NEK6: variants seen among roughly 807,000 people sequenced by gnomAD.
The protein encoded by NEK6 is serine/threonine-protein kinase Nek6.
Under a neutral mutation model 43.5 loss-of-function variants are expected in NEK6, and 27 were observed. That is an observed-to-expected ratio of 0.62 (90% CI 0.46 to 0.86). The LOEUF (loss-of-function observed/expected upper bound fraction) is 0.86. Among genes scored for constraint, NEK6 ranks in the 40% least tolerant of loss-of-function variants. NEK6 has a pLI of 0.00. For missense variants in NEK6, 318 were observed against 414.4 expected, an observed-to-expected ratio of 0.77 and a Z score of 2.02; for synonymous variants, 167 against 164.1, an observed-to-expected ratio of 1.02 and a Z score of -0.14.
At chr9:124,325,886 G>C (rs1226542858) in intron 5 of NEK6, among the ~76,000 whole-genome samples, 1 of 152,222 alleles carries the variant, frequency 6.6e-6, no homozygotes. Context: ...TAACCACCAC[G>C]TGTGTCCTGG....
Position 124,350,819 on chromosome 9 carries a change from C to G in NEK6, c.832-18C>G. ...AGACTGCTTTCTTGAGAATAACACA[C>G]CATTCTCTCCCCTGCAGTTACGAGA... On this transcript the variant is annotated intron_variant, in intron 9 of 9. Transcript: ENST00000320246. 6.3e-7 allele frequency: 1 copy of G among 1,574,978 alleles called. No homozygotes were observed.
At chr9:124,278,107 A>G (rs938380972) in intron 1 of NEK6, among the ~76,000 whole-genome samples, 8 of 152,228 alleles carry the variant, frequency 5.3e-5, no homozygotes, top group African/African-American at 9.7e-5. Context: ...GTGTAAACAC[A>G]CAAATACTGA....
intron 5 of NEK6, 129 bp downstream of exon 5, chr9:124,321,698 G>GC (rs1324752639): frequency 4.7e-6 from 3 of 637,538 alleles, no homozygotes; most frequent in African/African-American, 1.8e-5. Flanking sequence ...GACCCTGGGC[G>GC]CCCCCCTGCA....
intron 7 of NEK6, among the ~76,000 whole-genome samples, chr9:124,329,764 A>G (rs1351416815): frequency 2.0e-5 from 3 of 152,260 alleles, no homozygotes; most frequent in Non-Finnish European, 4.4e-5. Context: ...TGTATCTCCA[A>G]GACCCAGGGG....
At chr9:124,333,349 A>C (rs900263881) in intron 7 of NEK6, among the ~76,000 whole-genome samples, 2 of 152,290 alleles carry the variant, frequency 1.3e-5, no homozygotes, top group East Asian at 3.9e-4. Context: ...CCCTAGCTGC[A>C]GTCCAGGACA....
intron 8 of NEK6, among the ~76,000 whole-genome samples, chr9:124,341,250 G>C (rs1422095901): frequency 6.6e-6 from 1 of 152,176 alleles, no homozygotes; most frequent in Non-Finnish European, 1.5e-5. Context: ...CACCATGTTA[G>C]CCAGGCTGGC....
At chr9:124,258,955 C>T (rs945836344) in intron 1 of NEK6, among the ~76,000 whole-genome samples, 1 of 152,274 alleles carries the variant, frequency 6.6e-6, no homozygotes, top group African/African-American at 2.4e-5. Flanking sequence ...TCTCTCCAGC[C>T]AGGCCTGGGG....
intron 1 of NEK6, among the ~76,000 whole-genome samples, chr9:124,290,080 C>A (rs1208613601): frequency 6.6e-6 from 1 of 152,248 alleles, no homozygotes; most frequent in Non-Finnish European, 1.5e-5. Flanking sequence ...GCTGTGATTA[C>A]GCGCCAGCCC....
In NEK6 at chr9:124,324,510, G is replaced by A. The variant is rs1165128957; in HGVS notation, c.406-1820G>A. 6.6e-6 allele frequency among the ~76,000 whole-genome samples: 1 copy of A among 152,178 alleles called. No individual in the cohort carries two copies. Among genetic ancestry groups the A allele is most frequent in the Non-Finnish European group, 1.5e-5 (1 of 68,024 alleles). On this transcript the variant is annotated intron_variant, in intron 5 of 9. Transcript: ENST00000320246. This position sits in a 1 kb window ranked among gnomAD's most constrained non-coding sequence, Gnocchi z 5.3. ...GCCTCCCCGCTAAATGTCAGACAGC[G>A]CTTATAGGACATGACATTTAGAAAA...
chr9:124,280,379 A>G (rs1347451715), intron 1 of NEK6, among the ~76,000 whole-genome samples: 1 of 152,190 alleles, frequency 6.6e-6, no homozygotes, highest in Non-Finnish European at 1.5e-5. Context: ...GTCAGACCTT[A>G]TCATCTGAGT....
At chr9:124,315,036 C>T (rs1362005923) in intron 4 of NEK6, among the ~76,000 whole-genome samples, 2 of 152,272 alleles carry the variant, frequency 1.3e-5, no homozygotes, top group African/African-American at 4.8e-5. Flanking sequence ...CCCGCCGAAG[C>T]CACAGCTGCA....
rs1247044427 is a variant in NEK6, at chr9:124,327,332, C to T, written c.515-6C>T. 2 of 1,613,130 alleles carry T rather than the reference C, an allele frequency of 1.2e-6. No individual in the cohort carries two copies. Among genetic ancestry groups the T allele is most frequent in the East Asian group, 2.2e-5 (1 of 44,864 alleles). On this transcript the variant is annotated splice_polypyrimidine_tract_variant and splice_region_variant and intron_variant, in intron 6 of 9. Transcript: ENST00000320246. ...CCACACCAATCTCCTTCTCCTCGCC[C>T]TGCAGACATCAAGCCTGCCAACGTG...
At position 124,302,158 on chromosome 9, in the gene NEK6, C is replaced by A; in HGVS notation, c.90+104C>A. ...TCCTACTGGTGGAAACCCTTCAGCT[C>A]CCTGAAACAGAACCTCTTGAATGCT... On this transcript the variant is annotated intron_variant, in intron 2 of 9. Coordinates refer to ENST00000320246, the MANE Select transcript of NEK6 (RefSeq NM_014397.6). The A allele has an allele frequency of 3.8e-6, 3 of 779,876 alleles. No individual in the cohort carries two copies. In the Admixed American group the frequency reaches 8.8e-5, roughly 23 times the overall value. 48.3% of individuals were successfully genotyped at this position (779,876 alleles called of 1,614,324 possible). A position where few individuals can be genotyped will look rare whatever the true frequency, so the allele number is the denominator to read the frequency against.
chr9:124,284,087 G>A (rs984360283), intron 1 of NEK6, among the ~76,000 whole-genome samples: 12 of 152,330 alleles, frequency 7.9e-5, no homozygotes, highest in Admixed American at 7.2e-4. Flanking sequence ...AGTGGCTCTC[G>A]CCTATAATCC....
chr9:124,335,084 A>T (rs1466598323), intron 7 of NEK6, among the ~76,000 whole-genome samples: 1 of 152,076 alleles, frequency 6.6e-6, no homozygotes, highest in East Asian at 1.9e-4. Flanking sequence ...CTCTGTGTGC[A>T]CCCCATCAGC....
intron 1 of NEK6, among the ~76,000 whole-genome samples, chr9:124,278,644 A>C (rs184601472): frequency 6.6e-6 from 1 of 152,292 alleles, no homozygotes; most frequent in Admixed American, 6.5e-5. Context: ...ATGCGGTCAG[A>C]ATATTTTTAG....
intron 9 of NEK6, among the ~76,000 whole-genome samples, chr9:124,348,478 C>T (rs1394998456): frequency 6.6e-6 from 1 of 152,178 alleles, no homozygotes; most frequent in Admixed American, 6.5e-5. Flanking sequence ...GACAGGTTTC[C>T]TGGCACAGCA....
intron 1 of NEK6, among the ~76,000 whole-genome samples, chr9:124,280,933 C>T (rs773958173): frequency 2.6e-5 from 4 of 152,094 alleles, no homozygotes; most frequent in Non-Finnish European, 5.9e-5. Flanking sequence ...GCTGGTGCTA[C>T]AGGTGCATGC....
At chr9:124,345,962 G>A (rs1829904363) in intron 8 of NEK6, among the ~76,000 whole-genome samples, 1 of 152,204 alleles carries the variant, frequency 6.6e-6, no homozygotes, top group African/African-American at 2.4e-5. Flanking sequence ...AAAATGGGCA[G>A]GGCCTCTGCA....
Sources: allele counts gnomAD v4.1 joint callset (sites outside exome capture counted in the v4.1 genomes callset), GRCh38; gene constraint gnomAD v4.1.1; non-coding constraint Gnocchi (gnomAD v3.1); transcripts MANE v1.5; gene names NCBI Gene and HGNC (gene_info 2026-07-23, HGNC 2026-07-21).